Variants in C9orf43 observed in about 807,000 individuals in gnomAD.
C9orf43 encodes uncharacterized protein C9orf43.
A neutral mutation model predicts 59.1 loss-of-function variants in C9orf43; 45 were observed. That is an observed-to-expected ratio of 0.76 (90% CI 0.60 to 0.98). The LOEUF is 0.98. C9orf43 is among the 50% of genes least tolerant of loss of function. The pLI is 0.00. For missense variants in C9orf43, 533 were observed against 554.9 expected, an observed-to-expected ratio of 0.96 and a Z score of 0.40; for synonymous variants, 203 against 196.8, an observed-to-expected ratio of 1.03 and a Z score of -0.26.
Position 113,413,574 on chromosome 9 carries a change from T to C in C9orf43, c.81T>C (p.Thr27=), listed in dbSNP as rs367881038. 137 of 1,614,116 alleles carry C rather than the reference T, an allele frequency of 8.5e-5. No homozygotes were observed. The highest frequency in any genetic ancestry group is 1.6e-4 in the Middle Eastern group (1 of 6,084). Reference sequence around the variant, plus strand: ...GTCAGCACCCACAATGCTGGGCAACTATCCGCCGCATTGAGAGGGGCCATC... The same window carrying C: ...GTCAGCACCCACAATGCTGGGCAACCATCCGCCGCATTGAGAGGGGCCATC... ...AVCQHPQCWA[T]IRRIERGHPR... The change falls in exon 2 of 14, where the codon ACT becomes ACC. Residue 27 remains threonine, a synonymous_variant. Transcript: ENST00000374165.
At chr9:113,419,507 G>T (rs1308396418) in intron 4 of C9orf43, among the ~76,000 whole-genome samples, 1 of 152,234 alleles carries the variant, frequency 6.6e-6, no homozygotes, top group Admixed American at 6.6e-5. Context: ...GCAGACCCAG[G>T]TAGGCCTTAA....
intron 4 of C9orf43, 58 bp from the exon 5 acceptor site, chr9:113,421,045 A>C (rs1828543728): frequency 7.4e-7 from 1 of 1,343,338 alleles, no homozygotes; most frequent in African/African-American, 1.4e-5. Context: ...CATATCCTTA[A>C]TCTGATATAG....
intron 6 of C9orf43, among the ~76,000 whole-genome samples, chr9:113,423,122 CA>C (rs989018419): frequency 8.8e-4 from 134 of 152,156 alleles, no homozygotes; most frequent in African/African-American, 3.2e-3. Context: ...GAAAATGAAA[CA>C]AAACAACGAA....
chr9:113,422,587 TG>T lies in C9orf43; in HGVS notation c.483+3del. On this transcript the variant is annotated splice_donor_region_variant and intron_variant, in intron 6 of 13. Transcript: ENST00000374165. ...AAGAAAAGAAAGAACTCGGCAGTGG[TG>T]AGTTTGATGTTTTTGTGCAAACCTT... The T allele has an allele frequency of 6.2e-7, 1 of 1,613,888 alleles. No homozygotes were observed. Among genetic ancestry groups the T allele is most frequent in the Non-Finnish European group, 8.5e-7 (1 of 1,179,912 alleles).
Position 113,425,429 on chromosome 9 carries a change from G to A in C9orf43, c.942+9G>A. Reference sequence around the variant, plus strand: ...CACCTATTAAGAAACAGGTAGAGTGGCAGTGAGGGGCTTGCTGGGACTGGG... The same window carrying A: ...CACCTATTAAGAAACAGGTAGAGTGACAGTGAGGGGCTTGCTGGGACTGGG... On this transcript the variant is annotated intron_variant, in intron 10 of 13. Transcript: ENST00000374165. The A allele has an allele frequency of 6.2e-7, 1 of 1,611,186 alleles. No individual in the cohort carries two copies.
At chr9:113,425,139 CT>C in intron 9 of C9orf43, 63 bp downstream of exon 9, 1 of 1,535,130 alleles carries the variant, frequency 6.5e-7, no homozygotes, top group Non-Finnish European at 9.0e-7. Context: ...ATTTCTCATA[CT>C]TTAACGTGGT....
chr9:113,421,678 A>T (rs1935515863), intron 5 of C9orf43, among the ~76,000 whole-genome samples: 1 of 152,122 alleles, frequency 6.6e-6, no homozygotes, highest in African/African-American at 2.4e-5. Flanking sequence ...AATATTGACA[A>T]CCATGGGGAA....
chr9:113,427,889 A>T (rs79264983), intron 11 of C9orf43, among the ~76,000 whole-genome samples: 3 of 152,324 alleles, frequency 2.0e-5, no homozygotes, highest in East Asian at 3.9e-4. Flanking sequence ...AAAGTAGATT[A>T]GGGTTTCTTG....
chr9:113,425,147 T>C (rs28553410), intron 9 of C9orf43, 71 bp downstream of exon 9: 4 of 1,521,756 alleles, frequency 2.6e-6, no homozygotes, highest in Non-Finnish European at 3.6e-6. Context: ...TACTTTAACG[T>C]GGTCCAATTC....
chr9:113,413,677 GA>G, intron 2 of C9orf43, 33 bp downstream of exon 2: 1 of 1,612,638 alleles, frequency 6.2e-7, no homozygotes, highest in Non-Finnish European at 8.5e-7. Context: ...TCTCCCTCAC[GA>G]GGTCCTTAAC....
chr9:113,411,240 T>A, intron 1 of C9orf43: 1 of 457,676 alleles, frequency 2.2e-6, no homozygotes, highest in Non-Finnish European at 2.9e-6. Flanking sequence ...ATTTTTCAGT[T>A]AAATTGTTCA....
chr9:113,422,672 C>G (rs1351649859), intron 6 of C9orf43, 87 bp downstream of exon 6: 85 of 1,456,934 alleles, frequency 5.8e-5, no homozygotes, highest in Non-Finnish European at 7.6e-5. Context: ...CCACCTTACC[C>G]CCGTTCTTTC....
chr9:113,429,043 C>A, intron 13 of C9orf43, 80 bp downstream of exon 13: 1 of 1,503,952 alleles, frequency 6.6e-7, no homozygotes, highest in South Asian at 1.1e-5. Flanking sequence ...GGATAGTTTA[C>A]CTCCCTGAAG....
chr9:113,424,101 C>G, intron 7 of C9orf43, 65 bp from the exon 8 acceptor site: 2 of 1,516,918 alleles, frequency 1.3e-6, no homozygotes, highest in Non-Finnish European at 1.8e-6. Context: ...ACATCTCTTT[C>G]TCCTCAGCCA....
intron 3 of C9orf43, 103 bp downstream of exon 3, chr9:113,413,997 A>G: frequency 7.7e-7 from 1 of 1,292,730 alleles, no homozygotes; most frequent in Non-Finnish European, 1.1e-6. Context: ...GATTAAAAAG[A>G]AAATACCAAT....
chr9:113,422,554 A>G lies in C9orf43; in HGVS notation c.452A>G (p.His151Arg). Residue 151 changes from histidine (H) to arginine (R), a missense_variant, in exon 6 of 14, where the codon CAT becomes CGT. By Grantham distance (29) the His-to-Arg change is conservative. Transcript: ENST00000374165. ...TTTGTTTTGTTTTTCTCCAGCCAGC[A>G]TGGGAAGAAGAAAAGAAAGAACTCG... The part of the protein sequence containing the change: ...PEETEIHVSQ[H>R]GKKKRKNSAV... 1.2e-6 allele frequency: 2 copies of G among 1,613,958 alleles called. No homozygotes were observed. The highest frequency in any genetic ancestry group is 1.3e-5 in the African/African-American group (1 of 75,036).
At chr9:113,420,779 G>C (rs1365223276) in intron 4 of C9orf43, 2 of 985,392 alleles carry the variant, frequency 2.0e-6, no homozygotes, top group Non-Finnish European at 2.4e-6. Context: ...CTTTGGAGTG[G>C]AGTGGGCAGG....
chr9:113,426,642 CCTT>C (rs1828801866), intron 11 of C9orf43, among the ~76,000 whole-genome samples: 1 of 152,106 alleles, frequency 6.6e-6, no homozygotes, highest in African/African-American at 2.4e-5. Context: ...AGGTTCCTGC[CCTT>C]CTTATGGGAG....
At chr9:113,426,761 T>A (rs1292415640) in intron 11 of C9orf43, among the ~76,000 whole-genome samples, 2 of 152,154 alleles carry the variant, frequency 1.3e-5, no homozygotes, top group Non-Finnish European at 2.9e-5. Flanking sequence ...TCTGGTGCCT[T>A]TTGTACCCCT....
Sources: gnomAD v4.1 joint callset for allele counts (sites outside exome capture counted in the v4.1 genomes callset) on GRCh38, gnomAD v4.1.1 for gene constraint, MANE v1.5 for transcripts, NCBI Gene and HGNC (gene_info 2026-07-23, HGNC 2026-07-21) for gene names.